Variants in ABCC11 observed in about 807,000 individuals in gnomAD.
The protein encoded by ABCC11 is ATP-binding cassette sub-family C member 11.
ABCC11 carries 135 observed loss-of-function variants against 149.3 expected under a neutral mutation model. That is an observed-to-expected ratio of 0.90 (90% CI 0.79 to 1.04). The LOEUF is 1.04. Ranked by LOEUF, ABCC11 falls within the 50% of genes least tolerant of loss-of-function variation. The pLI, the probability that ABCC11 is intolerant of heterozygous loss-of-function variation, is 0.00. For missense variants in ABCC11, 1,680 were observed against 1,722.1 expected (o/e 0.98, Z 0.43); for synonymous variants, 665 against 671.4 (o/e 0.99, Z 0.15).
At chr16:48,229,557 C>T (rs1040700744) in intron 3 of ABCC11, among the ~76,000 whole-genome samples, 4 of 145,798 alleles carry the variant, frequency 2.7e-5, no homozygotes, top group South Asian at 2.1e-4. Flanking sequence ...CTCCGCTTCC[C>T]GGGTTCACAC....
chr16:48,185,495 CTTTG>C (rs1236338244), intron 22 of ABCC11, among the ~76,000 whole-genome samples: 2 of 152,076 alleles, frequency 1.3e-5, no homozygotes, highest in African/African-American at 2.4e-5. Context: ...ATTTTACTTG[CTTTG>C]TTTGAGAATG....
intron 13 of ABCC11, among the ~76,000 whole-genome samples, chr16:48,203,678 G>A (rs553497026): frequency 6.6e-6 from 1 of 152,234 alleles, no homozygotes; most frequent in African/African-American, 2.4e-5. Flanking sequence ...GACCAGCTTG[G>A]CTAACATGAC....
chr16:48,181,496 AC>A (rs1436705795), intron 23 of ABCC11, among the ~76,000 whole-genome samples: 3 of 152,162 alleles, frequency 2.0e-5, no homozygotes, highest in Non-Finnish European at 4.4e-5. Context: ...TGATTTTGAA[AC>A]TTTTATCTCC....
At chr16:48,205,605 G>T in intron 12 of ABCC11, 68 bp from the exon 13 acceptor site, 3 of 1,578,328 alleles carry the variant, frequency 1.9e-6, no homozygotes, top group Admixed American at 3.6e-5. Context: ...GGCTCAGCAG[G>T]CACAGTGCCC....
intron 26 of ABCC11, among the ~76,000 whole-genome samples, chr16:48,174,008 T>C (rs1965879352): frequency 6.6e-6 from 1 of 152,208 alleles, no homozygotes; most frequent in Non-Finnish European, 1.5e-5. Flanking sequence ...TATTTCTGCC[T>C]GGCAAGCTCC....
chr16:48,194,282 T>A (rs977313214), intron 18 of ABCC11, among the ~76,000 whole-genome samples: 2 of 152,166 alleles, frequency 1.3e-5, no homozygotes, highest in African/African-American at 4.8e-5. Flanking sequence ...ATGCTGAAGA[T>A]GATATGATAT....
At chr16:48,194,273 T>A (rs774056322) in intron 18 of ABCC11, among the ~76,000 whole-genome samples, 6 of 152,234 alleles carry the variant, frequency 3.9e-5, no homozygotes, top group Non-Finnish European at 8.8e-5. Context: ...TTCAGAGCCA[T>A]GCTGAAGATG....
chr16:48,237,854 T>G (rs1970764751), intron 1 of ABCC11, among the ~76,000 whole-genome samples: 1 of 152,230 alleles, frequency 6.6e-6, no homozygotes, highest in South Asian at 2.1e-4. Flanking sequence ...CCCCACCCCC[T>G]AATCTTTGCA....
In ABCC11 at chr16:48,224,342, T is replaced by C. The variant is rs1296848913; in HGVS notation, c.483A>G (p.Thr161=). The C allele has an allele frequency of 1.2e-6, 2 of 1,614,068 alleles. No homozygotes were observed. The highest frequency in any genetic ancestry group is 1.3e-5 in the African/African-American group (1 of 74,930). The part of the protein sequence containing the change: ...VLLVMLRFQR[T]RLIFDALLGI... ...CCAGAAGTGCATCGAAAATCAACCT[T>C]GTTCTCTGGAACCTCAGCATCACCA... The change falls in exon 5 of 30, where the codon ACA becomes ACG. Residue 161 remains threonine (T), a synonymous_variant. Transcript: ENST00000356608.
At chr16:48,229,805 C>T (rs570019578) in intron 3 of ABCC11, among the ~76,000 whole-genome samples, 38 of 152,240 alleles carry the variant, frequency 2.5e-4, no homozygotes, top group Admixed American at 5.9e-4. Context: ...CTGTCTGATC[C>T]GCTTGCCTCT....
rs1191900501 is a variant in ABCC11, at chr16:48,187,415, G to T, written c.2719C>A (p.Pro907Thr). ...NKLFNKVFRC[P>T]MSFFDTIPIG... The stretch of plus-strand genomic sequence containing the variant: ...GGGATGGTGTCAAAGAAACTCATGG[G>T]GCAGCGGAAAACCTGCAGGGACAAA... Residue 907 changes from proline to threonine, a missense_variant, in exon 21 of 30, where the codon CCC becomes ACC. By Grantham distance (38) the Pro-to-Thr change is conservative. Coordinates refer to ENST00000356608, the MANE Select transcript of ABCC11 (RefSeq NM_001370497.1). 6.2e-7 allele frequency: 1 copy of T among 1,612,238 alleles called. No individual in the cohort carries two copies. Among genetic ancestry groups the T allele is most frequent in the Non-Finnish European group, 8.5e-7 (1 of 1,179,098 alleles).
intron 1 of ABCC11, chr16:48,244,749 T>G: frequency 1.8e-6 from 1 of 565,580 alleles, no homozygotes; most frequent in East Asian, 3.6e-5. Context: ...GTTCCGCCTC[T>G]CTGGTGCTAT....
Position 48,227,952 on chromosome 16 carries a change from G to A in ABCC11, c.249C>T (p.Pro83=), listed in dbSNP as rs1204066368. 1 of 1,612,262 alleles carries A rather than the reference G, an allele frequency of 6.2e-7. No individual in the cohort carries two copies. The highest frequency in any genetic ancestry group is 1.3e-5 in the African/African-American group (1 of 74,808). ...ACAGGCCAGCATTGTCCAGGGGCTG[G>A]GGGGCAGGAAACCTAGTAGAGGGGC... ...PFRPKPRFPA[P]QPLDNAGLFS... is the part of the protein sequence containing the mutation. The change falls in exon 4 of 30, where the codon CCC becomes CCT. Residue 83 remains proline (P), a synonymous_variant. Coordinates refer to ENST00000356608, the MANE Select transcript of ABCC11 (RefSeq NM_001370497.1).
In ABCC11 at chr16:48,195,912, T is replaced by C. The variant is rs965025252; in HGVS notation, c.2404+320A>G. Reference sequence around the variant, plus strand: ...ACTTTGGGAGGCTGAGATGGGAGGATTGCTTGAGGCCAGGAGCTCAAGACC... The same window carrying C: ...ACTTTGGGAGGCTGAGATGGGAGGACTGCTTGAGGCCAGGAGCTCAAGACC... On this transcript the variant is annotated intron_variant, in intron 18 of 29. Coordinates refer to ENST00000356608, the MANE Select transcript of ABCC11 (RefSeq NM_001370497.1). Among the ~76,000 whole-genome samples the C allele has an allele frequency of 3.3e-5, 5 of 152,088 alleles. No homozygotes were observed. In the East Asian group the frequency reaches 7.7e-4, roughly 23 times the overall value.
intron 1 of ABCC11, among the ~76,000 whole-genome samples, chr16:48,239,339 G>T (rs1970843084): frequency 6.6e-6 from 1 of 152,018 alleles, no homozygotes. Context: ...GAGGCGGGCG[G>T]ATCACGAGGT....
At chr16:48,202,344 C>T (rs1192501785) in intron 14 of ABCC11, among the ~76,000 whole-genome samples, 2 of 152,132 alleles carry the variant, frequency 1.3e-5, no homozygotes, top group African/African-American at 4.8e-5. Flanking sequence ...AGCGCAGTAG[C>T]TCATGCCTGT....
At chr16:48,170,766 A>T (rs1965664840) in intron 27 of ABCC11, 123 bp downstream of exon 27, 5 of 859,834 alleles carry the variant, frequency 5.8e-6, no homozygotes, top group Non-Finnish European at 9.4e-6. Flanking sequence ...CATCTCCATG[A>T]GATGATGCAT....
intron 22 of ABCC11, among the ~76,000 whole-genome samples, chr16:48,186,662 A>G (rs954724517): frequency 2.0e-5 from 3 of 152,272 alleles, no homozygotes; most frequent in South Asian, 2.1e-4. Flanking sequence ...ATGTGTTTGC[A>G]CAGTAATGCA....
chr16:48,198,116 G>C, intron 16 of ABCC11, 25 bp downstream of exon 16: 1 of 1,614,202 alleles, frequency 6.2e-7, no homozygotes, highest in South Asian at 1.1e-5. Flanking sequence ...ACCGTGGGTA[G>C]TGAGGGCAGT....
Sources: allele counts gnomAD v4.1 joint callset (sites outside exome capture counted in the v4.1 genomes callset), GRCh38; gene constraint gnomAD v4.1.1; transcripts MANE v1.5; gene names NCBI Gene and HGNC (gene_info 2026-07-23, HGNC 2026-07-21).